CNTNAP2: variants seen among roughly 807,000 people sequenced by gnomAD.
CNTNAP2 encodes the protein contactin-associated protein-like 2.
A neutral mutation model predicts 155.2 loss-of-function variants in CNTNAP2; 98 were observed. That is an observed-to-expected ratio of 0.63 (90% CI 0.54 to 0.75). The LOEUF (loss-of-function observed/expected upper bound fraction) is 0.75, where lower values mean the gene tolerates loss of function less well. CNTNAP2 is among the 30% of genes least tolerant of loss of function. The probability of loss-of-function intolerance (pLI) is 0.00; values close to 1 mark genes in which losing one functional copy is unlikely to be tolerated. For synonymous variants in CNTNAP2, 651 were observed against 631.2 expected, an observed-to-expected ratio of 1.03 and a Z score of -0.47; for missense variants, 1,727 against 1,688.1, an observed-to-expected ratio of 1.02 and a Z score of -0.40.
At chr7:148,246,302 A>G (rs1285760211) in intron 20 of CNTNAP2, among the ~76,000 whole-genome samples, 1 of 152,230 alleles carries the variant, frequency 6.6e-6, no homozygotes, top group Non-Finnish European at 1.5e-5. Context: ...GACTTTAACT[A>G]TATTACAGTT....
At chr7:147,678,255 C>T (rs1291033841) in intron 13 of CNTNAP2, among the ~76,000 whole-genome samples, 2 of 151,726 alleles carry the variant, frequency 1.3e-5, no homozygotes, top group Admixed American at 6.6e-5. Context: ...TTCCCAATAC[C>T]AGGGCCATGT....
At chr7:148,407,987 G>A (rs906314066) in intron 22 of CNTNAP2, among the ~76,000 whole-genome samples, 2 of 152,190 alleles carry the variant, frequency 1.3e-5, no homozygotes, top group African/African-American at 4.8e-5. Flanking sequence ...GCTCATGCCT[G>A]TAATTGCAGC....
chr7:146,533,288 A>G (rs1025491015), intron 1 of CNTNAP2, among the ~76,000 whole-genome samples: 1 of 152,138 alleles, frequency 6.6e-6, no homozygotes, highest in African/African-American at 2.4e-5. Flanking sequence ...CAAACATTGT[A>G]TATGCCCACA....
chr7:147,478,179 G>A (rs1212662506), intron 10 of CNTNAP2, among the ~76,000 whole-genome samples: 1 of 151,654 alleles, frequency 6.6e-6, no homozygotes, highest in Non-Finnish European at 1.5e-5. Flanking sequence ...GGGGGAGGGA[G>A]TTTCGCTCTG....
At chr7:147,103,174 G>A (rs1800689579) in intron 4 of CNTNAP2, among the ~76,000 whole-genome samples, 1 of 152,018 alleles carries the variant, frequency 6.6e-6, no homozygotes, top group Non-Finnish European at 1.5e-5. Context: ...TGTTTTTCAG[G>A]CACTGTTTTA....
intron 20 of CNTNAP2, among the ~76,000 whole-genome samples, chr7:148,244,603 C>T (rs1796222206): frequency 6.6e-6 from 1 of 151,326 alleles, no homozygotes; most frequent in South Asian, 2.1e-4. Flanking sequence ...CACTCTGTCC[C>T]CCAGGCTGGA....
At chr7:148,222,216 G>T (rs1795759420) in intron 19 of CNTNAP2, among the ~76,000 whole-genome samples, 1 of 152,186 alleles carries the variant, frequency 6.6e-6, no homozygotes, top group Admixed American at 6.5e-5. Flanking sequence ...TTTATAGGGT[G>T]TCTTATTTTC....
intron 10 of CNTNAP2, among the ~76,000 whole-genome samples, chr7:147,442,523 A>G (rs1797660652): frequency 6.6e-6 from 1 of 152,160 alleles, no homozygotes; most frequent in African/African-American, 2.4e-5. Context: ...GCTGGTACCT[A>G]AGATGCAAGA....
chr7:146,921,716 G>A (rs1425225384), intron 3 of CNTNAP2, among the ~76,000 whole-genome samples: 1 of 152,092 alleles, frequency 6.6e-6, no homozygotes. Flanking sequence ...GGGGATTATT[G>A]CAATTCAAGA....
chr7:148,288,036 C>T (rs542201576), intron 21 of CNTNAP2, among the ~76,000 whole-genome samples: 24 of 151,486 alleles, frequency 1.6e-4, no homozygotes, highest in African/African-American at 4.6e-4. Flanking sequence ...GTGATCGGCC[C>T]GCCTTGGCCC....
chr7:147,906,872 C>T (rs1799966230), intron 14 of CNTNAP2, among the ~76,000 whole-genome samples: 1 of 152,186 alleles, frequency 6.6e-6, no homozygotes, highest in Admixed American at 6.6e-5. Context: ...TCCCAGACCT[C>T]CTCCTCTGGC....
chr7:148,030,862 T>C (rs761438182), intron 15 of CNTNAP2, among the ~76,000 whole-genome samples: 1 of 152,148 alleles, frequency 6.6e-6, no homozygotes, highest in Non-Finnish European at 1.5e-5. Context: ...CAGTTTCATC[T>C]GAGTCAGGAG....
chr7:146,973,905 G>C (rs78484564), intron 3 of CNTNAP2, among the ~76,000 whole-genome samples: 1,710 of 152,230 alleles, frequency 0.011, 35 homozygotes, highest in African/African-American at 0.039. Context: ...TCATGAATAT[G>C]AATTGAGCTC....
chr7:147,666,544 G>A (rs1795699923), intron 13 of CNTNAP2, among the ~76,000 whole-genome samples: 1 of 152,132 alleles, frequency 6.6e-6, no homozygotes, highest in Non-Finnish European at 1.5e-5. Context: ...TACTTTAATT[G>A]TTATTTTAAG....
At chr7:146,646,134 A>G (rs1054569514) in intron 1 of CNTNAP2, among the ~76,000 whole-genome samples, 1 of 152,202 alleles carries the variant, frequency 6.6e-6, no homozygotes, top group Non-Finnish European at 1.5e-5. Flanking sequence ...AGTCTCACCC[A>G]TTCTTGTAAA....
chr7:146,679,213 T>A (rs1373380645), intron 1 of CNTNAP2, among the ~76,000 whole-genome samples: 3 of 152,140 alleles, frequency 2.0e-5, no homozygotes, highest in Non-Finnish European at 4.4e-5. Context: ...TATGTGCCCA[T>A]GTGTTCCCAT....
At chr7:147,428,455 G>C (rs925991750) in intron 10 of CNTNAP2, among the ~76,000 whole-genome samples, 5 of 151,988 alleles carry the variant, frequency 3.3e-5, no homozygotes, top group East Asian at 3.9e-4. Context: ...GATTAAAATT[G>C]GCAATACAAT....
At chr7:148,315,653 T>A (rs1278079122) in intron 21 of CNTNAP2, among the ~76,000 whole-genome samples, 2 of 152,238 alleles carry the variant, frequency 1.3e-5, no homozygotes, top group African/African-American at 4.8e-5. Context: ...GACAGAATAG[T>A]AGCAGGAATA....
At chr7:147,899,840 G>C (rs2110307) in intron 13 of CNTNAP2, among the ~76,000 whole-genome samples, 1 of 151,338 alleles carries the variant, frequency 6.6e-6, no homozygotes, top group Non-Finnish European at 1.5e-5. Context: ...AGCCGAGATC[G>C]TGCCACTGCA....
Sources: gnomAD v4.1 joint callset for allele counts (sites outside exome capture counted in the v4.1 genomes callset) on GRCh38, gnomAD v4.1.1 for gene constraint, MANE v1.5 for transcripts, NCBI Gene and HGNC (gene_info 2026-07-23, HGNC 2026-07-21) for gene names.